Variants in SMYD3 observed in about 807,000 individuals in gnomAD.
SMYD3 encodes the protein histone-lysine N-methyltransferase SMYD3.
In SMYD3, 36 loss-of-function variants were observed where a neutral mutation model predicts 57.7. The ratio of observed to expected loss-of-function variants is 0.62; its 90% CI spans 0.48 to 0.82. SMYD3 has a LOEUF of 0.82. SMYD3 is among the 40% of genes least tolerant of loss of function. The pLI is 0.00. For missense variants in SMYD3, 515 were observed against 538.8 expected (o/e 0.96, Z 0.44); for synonymous variants, 211 against 195.0 (o/e 1.08, Z -0.68).
chr1:246,056,594 G>T (rs1390851197), intron 5 of SMYD3, among the ~76,000 whole-genome samples: 1 of 151,588 alleles, frequency 6.6e-6, no homozygotes, highest in Non-Finnish European at 1.5e-5. Context: ...ATACATGAGG[G>T]GAAATAACAA....
At position 245,881,411 on chromosome 1, in the gene SMYD3, G is replaced by A. The variant is rs146273213; in HGVS notation, c.814-17525C>T. ...AAAGTGTTGGAGGAAGAGAGGGCAA[G>A]AATATCCCTTCCTGATAGCCCATTG... On this transcript the variant is annotated intron_variant, in intron 8 of 11. Coordinates refer to ENST00000490107, the MANE Select transcript of SMYD3 (RefSeq NM_001167740.2). Among the ~76,000 whole-genome samples, 473 of 152,316 alleles carry A rather than the reference G, an allele frequency of 3.1e-3. 3 individuals carry two copies. The highest frequency in any genetic ancestry group is 0.01 in the Middle Eastern group (3 of 294).
intron 10 of SMYD3, among the ~76,000 whole-genome samples, chr1:245,816,797 G>A (rs142316542): frequency 0.011 from 1,609 of 152,254 alleles, 12 homozygotes; most frequent in Middle Eastern, 0.02. Flanking sequence ...GGACGCACCT[G>A]GAAAATCGGG....
chr1:245,805,132 T>A (rs2817512), intron 10 of SMYD3, among the ~76,000 whole-genome samples: 7,081 of 146,096 alleles, frequency 0.048, 595 homozygotes, highest in African/African-American at 0.17. Flanking sequence ...TAAAAGAAAA[T>A]AGAATTTCCT....
At chr1:246,128,829 G>T (rs1331775789) in intron 5 of SMYD3, among the ~76,000 whole-genome samples, 1 of 152,080 alleles carries the variant, frequency 6.6e-6, no homozygotes, top group Non-Finnish European at 1.5e-5. Context: ...TTGAGATGGG[G>T]TCTCACTCTG....
chr1:246,322,695 C>A (rs2065269549), intron 5 of SMYD3, among the ~76,000 whole-genome samples: 1 of 152,114 alleles, frequency 6.6e-6, no homozygotes, highest in South Asian at 2.1e-4. Flanking sequence ...GCCACACACT[C>A]CCCAGGGAAC....
chr1:246,253,163 T>C (rs2063822883), intron 5 of SMYD3, among the ~76,000 whole-genome samples: 1 of 152,134 alleles, frequency 6.6e-6, no homozygotes, highest in Non-Finnish European at 1.5e-5. Context: ...CATGCGCAGG[T>C]TTGTTACCAG....
At chr1:245,914,370 C>A (rs1933528) in intron 8 of SMYD3, among the ~76,000 whole-genome samples, 108,070 of 152,162 alleles carry the variant, frequency 0.71, 42,319 homozygotes, top group Non-Finnish European at 0.89. Flanking sequence ...TGAAATCAAC[C>A]TCTATGTCCA....
chr1:246,304,414 TTTCA>T (rs1389602593), intron 5 of SMYD3, among the ~76,000 whole-genome samples: 1 of 152,158 alleles, frequency 6.6e-6, no homozygotes, highest in African/African-American at 2.4e-5. Context: ...CATGAAAGAC[TTTCA>T]ATGTAATGTG....
chr1:246,341,202 A>G (rs2065629269), intron 2 of SMYD3, among the ~76,000 whole-genome samples: 1 of 152,202 alleles, frequency 6.6e-6, no homozygotes, highest in Admixed American at 6.5e-5. Flanking sequence ...AAGTACTTTT[A>G]TACGAAAGGG....
chr1:246,048,620 G>A (rs1352070784), intron 5 of SMYD3, among the ~76,000 whole-genome samples: 4 of 152,086 alleles, frequency 2.6e-5, no homozygotes, highest in South Asian at 2.1e-4. Context: ...ATGGAAGCCC[G>A]ACAGCCCATT....
chr1:245,901,820 T>C (rs534470209), intron 8 of SMYD3, among the ~76,000 whole-genome samples: 279 of 152,246 alleles, frequency 1.8e-3, no homozygotes, highest in African/African-American at 6.5e-3. Context: ...AGGCTCCCCA[T>C]TGTAGGGAAA....
At chr1:246,022,013 A>C (rs2059480141) in intron 5 of SMYD3, among the ~76,000 whole-genome samples, 2 of 152,230 alleles carry the variant, frequency 1.3e-5, no homozygotes, top group Non-Finnish European at 2.9e-5. Flanking sequence ...GATCGCTGGA[A>C]ACATGAACAT....
intron 10 of SMYD3, among the ~76,000 whole-genome samples, chr1:245,781,740 G>T (rs781076659): frequency 6.6e-6 from 1 of 152,158 alleles, no homozygotes; most frequent in Non-Finnish European, 1.5e-5. Context: ...CAGCACTTTG[G>T]GAGGCCGAGC....
intron 5 of SMYD3, among the ~76,000 whole-genome samples, chr1:246,138,610 A>G (rs2061702626): frequency 1.4e-5 from 2 of 141,850 alleles, no homozygotes; most frequent in Non-Finnish European, 1.6e-5. Flanking sequence ...TATTTTTAGT[A>G]GAGACGGGGT....
chr1:246,294,411 GTAAGTGTTCAGC>G (rs941365457), intron 5 of SMYD3, among the ~76,000 whole-genome samples: 36 of 152,342 alleles, frequency 2.4e-4, no homozygotes, highest in Admixed American at 5.2e-4. Flanking sequence ...ACCATTGCCT[GTAAGTGTTCAGC>G]TAAGTGTTCA....
Position 245,867,661 on chromosome 1 carries a change from T to C in SMYD3, c.814-3775A>G, listed in dbSNP as rs1164965259. ...ATATGTGCATGCGCGTGCGTGTGCGTGCGCGCGCACACACACACACACACA... is the reference window on the plus strand; with the variant it reads ...ATATGTGCATGCGCGTGCGTGTGCGCGCGCGCGCACACACACACACACACA... On this transcript the variant is annotated intron_variant, in intron 8 of 11. Transcript: ENST00000490107. Among the ~76,000 whole-genome samples, 607 of 83,572 alleles carry C rather than the reference T, an allele frequency of 7.3e-3. 3 individuals carry two copies. Among genetic ancestry groups the C allele is most frequent in the African/African-American group, 0.02 (558 of 27,594 alleles). 54.8% of individuals were successfully genotyped at this position (83,572 alleles called of 152,430 possible).
At chr1:246,032,472 C>T (rs1044822952) in intron 5 of SMYD3, among the ~76,000 whole-genome samples, 20 of 152,308 alleles carry the variant, frequency 1.3e-4, no homozygotes, top group African/African-American at 4.8e-4. Context: ...GAAGGAGAGA[C>T]AGATGGCAGC....
At chr1:245,920,418 C>G (rs530031916) in intron 7 of SMYD3, among the ~76,000 whole-genome samples, 1 of 151,734 alleles carries the variant, frequency 6.6e-6, no homozygotes, top group African/African-American at 2.4e-5. Flanking sequence ...TTAATACTGG[C>G]TCTGAACTGG....
chr1:246,480,051 A>G (rs1172991590), intron 1 of SMYD3, among the ~76,000 whole-genome samples: 2 of 152,218 alleles, frequency 1.3e-5, no homozygotes, highest in African/African-American at 2.4e-5. Context: ...GTATCACTAA[A>G]AGAAGTTCAA....
Sources: allele counts gnomAD v4.1 joint callset (sites outside exome capture counted in the v4.1 genomes callset), GRCh38; gene constraint gnomAD v4.1.1; transcripts MANE v1.5; gene names NCBI Gene and HGNC (gene_info 2026-07-23, HGNC 2026-07-21).